Variants in SLC2A3 observed in about 807,000 individuals in gnomAD.
SLC2A3 encodes solute carrier family 2 member 3, also known as solute carrier family 2, facilitated glucose transporter member 3.
In SLC2A3, 21 loss-of-function variants were observed where a neutral mutation model predicts 46.4. The observed-to-expected ratio is 0.45, with a 90% CI of 0.32 to 0.65. SLC2A3 has a LOEUF of 0.65. SLC2A3 is among the 30% of genes least tolerant of loss of function. The probability of loss-of-function intolerance (pLI) is 0.04; values close to 1 mark genes in which losing one functional copy is unlikely to be tolerated. For missense variants in SLC2A3, 499 were observed against 623.3 expected (o/e 0.80, Z 2.12); for synonymous variants, 213 against 239.4 (o/e 0.89, Z 1.02).
At chr12:7,930,981 A>T (rs889420980) in intron 4 of SLC2A3, among the ~76,000 whole-genome samples, 21 of 151,850 alleles carry the variant, frequency 1.4e-4, no homozygotes, top group African/African-American at 4.6e-4. Flanking sequence ...TGTTTTTAGT[A>T]GAGATGGGGT....
intron 6 of SLC2A3, among the ~76,000 whole-genome samples, chr12:7,928,361 G>A (rs1046257918): frequency 2.0e-5 from 3 of 151,814 alleles, no homozygotes; most frequent in African/African-American, 7.3e-5. Flanking sequence ...TCGTGCCACT[G>A]TACTCCAGCC....
chr12:7,931,562 G>A, intron 3 of SLC2A3, 77 bp from the exon 4 acceptor site: 3 of 1,570,690 alleles, frequency 1.9e-6, no homozygotes, highest in South Asian at 1.2e-5. Context: ...TCATTATTCT[G>A]TTCTTCTCCA....
At chr12:7,929,173 A>C (rs776702044) in intron 6 of SLC2A3, among the ~76,000 whole-genome samples, 2 of 152,212 alleles carry the variant, frequency 1.3e-5, no homozygotes, top group African/African-American at 4.8e-5. Flanking sequence ...CCCTTAGGGG[A>C]TGAATCAGTA....
At chr12:7,926,352 A>G (rs970226329) in intron 6 of SLC2A3, among the ~76,000 whole-genome samples, 3 of 151,936 alleles carry the variant, frequency 2.0e-5, no homozygotes, top group African/African-American at 7.3e-5. Context: ...TGGCCTCCCA[A>G]AGTGCTAGGA....
At chr12:7,935,640 A>G (rs999548699) in intron 1 of SLC2A3, among the ~76,000 whole-genome samples, 2 of 152,156 alleles carry the variant, frequency 1.3e-5, no homozygotes, top group African/African-American at 4.8e-5. Flanking sequence ...CTCCAAACAC[A>G]GACCTTTTCA....
chr12:7,926,592 G>A (rs12305337), intron 6 of SLC2A3, among the ~76,000 whole-genome samples: 1 of 152,062 alleles, frequency 6.6e-6, no homozygotes, highest in Non-Finnish European at 1.5e-5. Flanking sequence ...CTAAACTCTT[G>A]GTCTCAAGTG....
At chr12:7,925,670 A>C in intron 7 of SLC2A3, 174 bp downstream of exon 7, 1 of 585,968 alleles carries the variant, frequency 1.7e-6, no homozygotes, top group Non-Finnish European at 3.0e-6. Flanking sequence ...CATCCATCCC[A>C]TATTTGCTTG....
At position 7,920,928 on chromosome 12, in the gene SLC2A3, AGAG is replaced by A. The variant is rs1946030657; in HGVS notation, c.*482_*484del. On this transcript the variant is annotated 3_prime_UTR_variant, in exon 10 of 10. Transcript: ENST00000075120. The stretch of plus-strand genomic sequence containing the variant: ...AAAAAAAAAATTATGTAATTAAACC[AGAG>A]GATAAAATAAATAAAACTCAAGTTA... 1.2e-5 allele frequency: 2 copies of A among 169,454 alleles called. No homozygotes were observed. Among genetic ancestry groups the A allele is most frequent in the Admixed American group, 5.6e-5 (1 of 17,736 alleles). 10.5% of individuals were successfully genotyped at this position (169,454 alleles called of 1,614,324 possible). A position where few individuals can be genotyped will look rare whatever the true frequency, so the allele number is the denominator to read the frequency against.
intron 1 of SLC2A3, among the ~76,000 whole-genome samples, chr12:7,934,279 A>G (rs1401776549): frequency 6.6e-6 from 1 of 152,106 alleles, no homozygotes; most frequent in African/African-American, 2.4e-5. Context: ...AGAATTGACC[A>G]TTCTGGAAAC....
intron 7 of SLC2A3, chr12:7,925,623 G>C: frequency 2.6e-6 from 1 of 385,092 alleles, no homozygotes; most frequent in Non-Finnish European, 4.7e-6. Context: ...CAAGTTCAAA[G>C]CATACTATAT....
intron 6 of SLC2A3, among the ~76,000 whole-genome samples, chr12:7,927,118 C>T (rs918892466): frequency 6.6e-6 from 1 of 151,952 alleles, no homozygotes; most frequent in Admixed American, 6.6e-5. Flanking sequence ...CTTTAAATCC[C>T]TAGTACGTAA....
chr12:7,930,041 A>G lies in SLC2A3; in HGVS notation c.674-170T>C, dbSNP rs1946135610. ...ACTTTTGTTGCCCAGGCTGGAGTGC[A>G]ATGGCATGATCTCAGCTCCCTGCAA... On this transcript the variant is annotated intron_variant, in intron 5 of 9. Transcript: ENST00000075120. The G allele has an allele frequency of 2.2e-6, 3 of 1,369,724 alleles. No individual in the cohort carries two copies. In the Admixed American group the frequency reaches 8.4e-5, roughly 38 times the overall value. 84.8% of individuals were successfully genotyped at this position (1,369,724 alleles called of 1,614,324 possible).
At chr12:7,933,758 A>G (rs1946184091) in intron 2 of SLC2A3, 52 bp downstream of exon 2, 2 of 1,576,704 alleles carry the variant, frequency 1.3e-6, no homozygotes, top group Non-Finnish European at 1.7e-6. Flanking sequence ...AACCCTACTT[A>G]AAGGAATAAC....
rs146202966 is a variant in SLC2A3 at position 7,924,427 on chromosome 12, C to G, written c.1051G>C (p.Val351Leu). 2 of 1,610,494 alleles carry G rather than the reference C, an allele frequency of 1.2e-6. No homozygotes were observed. The highest frequency in any genetic ancestry group is 1.1e-5 in the South Asian group (1 of 90,916). Residue 351 changes from valine to leucine, a missense_variant, in exon 8 of 10, where the codon GTT becomes CTT. Around this residue, in one of 5 missense-constraint regions of SLC2A3, gnomAD observed 179 missense variants for 205.1 expected, o/e 0.87. Coordinates refer to ENST00000075120, the MANE Select transcript of SLC2A3 (RefSeq NM_006931.3). ...GMAFCSTLMT[V>L]SLLLKDNYNG... ...GCACCTACCTTTAATAACAAAGAAA[C>G]AGTCATGAGCGTGGAACAAAAAGCC...
intron 9 of SLC2A3, among the ~76,000 whole-genome samples, chr12:7,922,466 TTTTA>T (rs988409256): frequency 1.3e-5 from 2 of 152,276 alleles, no homozygotes; most frequent in African/African-American, 4.8e-5. Flanking sequence ...TGCTGTATTT[TTTTA>T]TTTATTTAGG....
chr12:7,931,076 G>C (rs137922303), intron 4 of SLC2A3, among the ~76,000 whole-genome samples, 169 bp downstream of exon 4: 3 of 152,068 alleles, frequency 2.0e-5, no homozygotes, highest in Non-Finnish European at 4.4e-5. Flanking sequence ...GATTACAGGC[G>C]TGAGCCACAG....
chr12:7,932,674 C>G, intron 3 of SLC2A3: 1 of 279,508 alleles, frequency 3.6e-6, no homozygotes, highest in African/African-American at 2.2e-5. Context: ...AACTTCGGAC[C>G]TTGTAAATTA....
chr12:7,926,773 A>G (rs1946099750), intron 6 of SLC2A3, among the ~76,000 whole-genome samples: 1 of 152,208 alleles, frequency 6.6e-6, no homozygotes. Flanking sequence ...TGCTCATTGA[A>G]TAAGCAGAGG....
chr12:7,933,698 G>T, intron 2 of SLC2A3, 112 bp downstream of exon 2: 2 of 1,115,266 alleles, frequency 1.8e-6, no homozygotes, highest in East Asian at 2.4e-5. Context: ...GGAGTAGCTG[G>T]GACTCCAGGC....
Sources: allele counts gnomAD v4.1 joint callset (sites outside exome capture counted in the v4.1 genomes callset), GRCh38; gene constraint gnomAD v4.1.1; regional missense constraint gnomAD v4.1.1; transcripts MANE v1.5; gene names NCBI Gene and HGNC (gene_info 2026-07-23, HGNC 2026-07-21).